Variants in DCDC1 observed in about 807,000 individuals in gnomAD.
DCDC1 encodes doublecortin domain-containing protein 1.
A neutral mutation model predicts 178.3 loss-of-function variants in DCDC1; 200 were observed. The ratio of observed to expected loss-of-function variants is 1.12; its 90% CI spans 1.00 to 1.26. DCDC1 has a LOEUF of 1.26. Ranked by LOEUF, DCDC1 falls within the 50% of genes most tolerant of loss-of-function variation. The probability of loss-of-function intolerance (pLI) is 0.00; values close to 1 mark genes in which losing one functional copy is unlikely to be tolerated. For missense variants in DCDC1, 1,983 were observed against 1,749.2 expected, an observed-to-expected ratio of 1.13 and a Z score of -2.38; for synonymous variants, 690 against 604.8, an observed-to-expected ratio of 1.14 and a Z score of -2.07.
At chr11:30,926,611 A>G (rs1013857112) in intron 22 of DCDC1, among the ~76,000 whole-genome samples, 8 of 152,224 alleles carry the variant, frequency 5.3e-5, no homozygotes, top group Non-Finnish European at 1.0e-4. Context: ...GAAGAAGTAG[A>G]AGATTCTTGC....
At position 30,893,622 on chromosome 11, in the gene DCDC1, A is replaced by C. The variant is rs1943970063; in HGVS notation, c.4903-625T>G. ...AATTCCTTTTGTTCTAGTAACCTTGACTTGGGCACGTGCCTAAGATTTAGA... is the reference window on the plus strand; with the variant it reads ...AATTCCTTTTGTTCTAGTAACCTTGCCTTGGGCACGTGCCTAAGATTTAGA... On this transcript the variant is annotated intron_variant, in intron 35 of 38. Transcript: ENST00000684477. Among the ~76,000 whole-genome samples, 3 of 152,142 alleles carry C rather than the reference A, an allele frequency of 2.0e-5. No homozygotes were observed. The South Asian group carries it at 6.2e-4, about 31-fold the overall frequency.
chr11:31,056,557 A>C (rs1455515936), intron 20 of DCDC1, among the ~76,000 whole-genome samples: 1 of 152,216 alleles, frequency 6.6e-6, no homozygotes, highest in Non-Finnish European at 1.5e-5. Flanking sequence ...GACAAAGTAA[A>C]CTTTAAAAAG....
At chr11:30,935,804 G>A (rs535697902) in intron 21 of DCDC1, among the ~76,000 whole-genome samples, 7 of 152,176 alleles carry the variant, frequency 4.6e-5, no homozygotes, top group Admixed American at 3.3e-4. Flanking sequence ...CGCCCGCCTC[G>A]GCCTCCCAAA....
intron 9 of DCDC1, among the ~76,000 whole-genome samples, chr11:31,195,447 A>G (rs1970587890): frequency 6.6e-6 from 1 of 152,108 alleles, no homozygotes; most frequent in Admixed American, 6.6e-5. Context: ...TCCTCTTCCA[A>G]AATGTGAGCT....
chr11:31,290,697 T>A lies in DCDC1; in HGVS notation c.910A>T (p.Met304Leu). 6.2e-7 allele frequency: 1 copy of A among 1,613,464 alleles called. No individual in the cohort carries two copies. Among genetic ancestry groups the A allele is most frequent in the Non-Finnish European group, 8.5e-7 (1 of 1,179,536 alleles). ...GTAATCTCATGCCCATCCTGCCCCATGCCATTCTTAAAGAACAGAATTCGG... is the reference window on the plus strand; with the variant it reads ...GTAATCTCATGCCCATCCTGCCCCAAGCCATTCTTAAAGAACAGAATTCGG... ...SVRILFFKNG[M>L]GQDGHEITVG... The change falls in exon 7 of 39, where the codon ATG becomes TTG. Residue 304 changes from methionine (M) to leucine (L), a missense_variant. Met to Leu is a conservative substitution (Grantham distance 15). Transcript: ENST00000684477.
Position 31,268,848 on chromosome 11 carries a change from G to A in DCDC1, c.961-3248C>T, listed in dbSNP as rs144443694. 9.1e-3 allele frequency among the ~76,000 whole-genome samples: 1,379 copies of A among 152,216 alleles called. 16 individuals carry two copies. The highest frequency in any genetic ancestry group is 0.015 in the Non-Finnish European group (1,026 of 68,014). The stretch of plus-strand genomic sequence containing the variant: ...ACATTCTTACCAACAGTGTATAAGC[G>A]TTCCTTTTCTCCACAGCCTTGCCAA... On this transcript the variant is annotated intron_variant, in intron 7 of 38. Transcript: ENST00000684477.
intron 3 of DCDC1, among the ~76,000 whole-genome samples, chr11:31,315,462 G>A (rs936401712): frequency 4.6e-5 from 7 of 150,910 alleles, no homozygotes; most frequent in Admixed American, 2.6e-4. Flanking sequence ...TCAGCCTCCC[G>A]AGTAGCTGAG....
At chr11:31,068,250 G>A (rs1246397575) in intron 18 of DCDC1, among the ~76,000 whole-genome samples, 1 of 152,020 alleles carries the variant, frequency 6.6e-6, no homozygotes, top group Non-Finnish European at 1.5e-5. Flanking sequence ...TATATTAGTT[G>A]TACATATTTT....
chr11:30,867,846 A>G (rs1590159866), intron 38 of DCDC1, among the ~76,000 whole-genome samples: 2 of 152,204 alleles, frequency 1.3e-5, no homozygotes, highest in Non-Finnish European at 2.9e-5. Flanking sequence ...ATATCACTGA[A>G]TTAGAATCAG....
chr11:31,006,990 T>C (rs1286512580), intron 20 of DCDC1, among the ~76,000 whole-genome samples: 4 of 152,236 alleles, frequency 2.6e-5, no homozygotes, highest in Non-Finnish European at 4.4e-5. Context: ...TTGTTAAATA[T>C]TTCTCCTCTC....
intron 24 of DCDC1, 133 bp from the exon 25 acceptor site, chr11:30,921,068 A>G: frequency 1.2e-6 from 1 of 836,652 alleles, no homozygotes; most frequent in South Asian, 2.8e-5. Flanking sequence ...TACTTATTAA[A>G]CTCAGTTGAA....
At chr11:30,918,086 G>A (rs144676732) in intron 25 of DCDC1, among the ~76,000 whole-genome samples, 1 of 150,948 alleles carries the variant, frequency 6.6e-6, no homozygotes, top group African/African-American at 2.4e-5. Context: ...AAAATAAAAC[G>A]CACAGCTTTC....
At position 31,065,088 on chromosome 11, in the gene DCDC1, T is replaced by G. The variant is rs1470600971; in HGVS notation, c.2364A>C (p.Thr788=). 3 of 765,482 alleles carry G rather than the reference T, an allele frequency of 3.9e-6. No individual in the cohort carries two copies. The East Asian group carries it at 7.3e-5, about 19-fold the overall frequency. The allele number at this position is 765,482 out of a possible 1,614,324, so 47.4% of individuals were successfully genotyped here. ...ELNAQVDVTQ[T]EYHIHHGAWT... The stretch of plus-strand genomic sequence containing the variant: ...AGGCACCATGGTGAATGTGATACTC[T>G]GTCTGGGTCACATCTACTTGTGCAT... Residue 788 remains threonine, a synonymous_variant, in exon 19 of 39, where the codon ACA becomes ACC. Coordinates refer to ENST00000684477, the MANE Select transcript of DCDC1 (RefSeq NM_001387274.1).
chr11:31,284,949 C>G (rs1211454647), intron 7 of DCDC1, among the ~76,000 whole-genome samples: 1 of 152,058 alleles, frequency 6.6e-6, no homozygotes, highest in East Asian at 1.9e-4. Flanking sequence ...ATGTTAATGT[C>G]TTAACTGCTC....
At chr11:31,204,621 G>A (rs552582366) in intron 9 of DCDC1, among the ~76,000 whole-genome samples, 2 of 152,214 alleles carry the variant, frequency 1.3e-5, no homozygotes, top group East Asian at 1.9e-4. Context: ...TCAGGAGTTC[G>A]AGACCAGCCT....
chr11:31,082,916 A>G (rs949858114), intron 17 of DCDC1, among the ~76,000 whole-genome samples: 1 of 152,220 alleles, frequency 6.6e-6, no homozygotes, highest in African/African-American at 2.4e-5. Flanking sequence ...ATAACATAGT[A>G]AGAACAAAGA....
intron 25 of DCDC1, 96 bp from the exon 26 acceptor site, chr11:30,917,124 G>T: frequency 8.3e-7 from 1 of 1,204,790 alleles, no homozygotes; most frequent in Non-Finnish European, 1.1e-6. Context: ...TCCACAGGAT[G>T]TTGGTGGATC....
intron 20 of DCDC1, among the ~76,000 whole-genome samples, chr11:31,055,913 G>A (rs559034995): frequency 1.6e-4 from 25 of 152,238 alleles, no homozygotes; most frequent in African/African-American, 5.3e-4. Context: ...CACTGCTCGC[G>A]TGATGGGTGC....
intron 8 of DCDC1, among the ~76,000 whole-genome samples, chr11:31,261,691 G>A (rs1944796194): frequency 1.3e-5 from 2 of 151,958 alleles, no homozygotes; most frequent in Non-Finnish European, 1.5e-5. Context: ...TAGTATGGGG[G>A]AGGCCTCCAG....
Sources: allele counts gnomAD v4.1 joint callset (sites outside exome capture counted in the v4.1 genomes callset), GRCh38; gene constraint gnomAD v4.1.1; transcripts MANE v1.5; gene names NCBI Gene and HGNC (gene_info 2026-07-23, HGNC 2026-07-21).